The following PPHLN1 variants were observed in gnomAD, a reference collection of about 807,000 sequenced individuals.
PPHLN1 encodes periphilin 1, also known as periphilin-1.
PPHLN1 carries 29 observed loss-of-function variants against 51.3 expected under a neutral mutation model. That is an observed-to-expected ratio of 0.57 (90% CI 0.42 to 0.77). The LOEUF (loss-of-function observed/expected upper bound fraction) is 0.77. Ranked by LOEUF, PPHLN1 falls within the 30% of genes least tolerant of loss-of-function variation. The pLI is 0.00. For synonymous variants in PPHLN1, 147 were observed against 147.8 expected (o/e 0.99, Z 0.04); for missense variants, 436 against 438.4 (o/e 0.99, Z 0.05).
intron 3 of PPHLN1, among the ~76,000 whole-genome samples, chr12:42,354,897 T>C (rs7967131): frequency 0.16 from 24,743 of 152,200 alleles, 2,063 homozygotes; most frequent in Admixed American, 0.2. Context: ...TGTTGTGATA[T>C]TGATATATGT....
downstream of PPHLN1, chr12:42,447,570 C>G (rs1566066610): frequency 6.6e-6 from 1 of 152,186 alleles, no homozygotes; most frequent in Non-Finnish European, 1.5e-5. Flanking sequence ...CGGCATTGAG[C>G]CAAAATATAC....
intron 9 of PPHLN1, among the ~76,000 whole-genome samples, chr12:42,411,575 C>T (rs1324643927): frequency 6.6e-6 from 1 of 152,202 alleles, no homozygotes; most frequent in African/African-American, 2.4e-5. Context: ...GATTTTATTG[C>T]ATCCATCACC....
intron 5 of PPHLN1, among the ~76,000 whole-genome samples, chr12:42,375,822 A>T (rs112258718): frequency 0.017 from 2,626 of 152,282 alleles, 64 homozygotes; most frequent in African/African-American, 0.06. Context: ...TAGAGAAAGC[A>T]TTCTTATCTT....
chr12:42,352,757 TAGAA>T (rs1004570001), intron 3 of PPHLN1, among the ~76,000 whole-genome samples: 16 of 152,036 alleles, frequency 1.1e-4, no homozygotes, highest in Non-Finnish European at 2.4e-4. Context: ...TAACTGAGAT[TAGAA>T]AGCACTCAAA....
chr12:42,353,286 T>C (rs536233188), intron 3 of PPHLN1, among the ~76,000 whole-genome samples: 1 of 152,336 alleles, frequency 6.6e-6, no homozygotes, highest in South Asian at 2.1e-4. Context: ...CTTTTCTCTT[T>C]TTCCCCCTTT....
rs776380503 is a variant in PPHLN1 at position 42,355,171 on chromosome 12, G to A, written c.248G>A (p.Gly83Asp). Residue 83 changes from glycine (G) to aspartate (D), a missense_variant, in exon 4 of 10, where the codon GGT becomes GAT. By Grantham distance (94) the Gly-to-Asp change is moderately conservative. Coordinates refer to ENST00000358314, the MANE Select transcript of PPHLN1 (RefSeq NM_201439.2). ...SGPPHRGDES[G>D]YRWTRDDHSA... is the part of the protein sequence containing the mutation. Reference sequence around the variant, plus strand: ...TTTTTTATGTTACAGGATGAATCTGGTTATAGATGGACAAGAGACGATCAT... The same window carrying A: ...TTTTTTATGTTACAGGATGAATCTGATTATAGATGGACAAGAGACGATCAT... 13 of 1,613,586 alleles carry A rather than the reference G, an allele frequency of 8.1e-6. No homozygotes were observed. Among genetic ancestry groups the A allele is most frequent in the Admixed American group, 3.3e-5 (2 of 60,008 alleles).
rs117522401 is a variant in PPHLN1 at position 42,423,029 on chromosome 12, C to T, written c.910-18286C>T. On this transcript the variant is annotated intron_variant, in intron 9 of 9. Transcript: ENST00000358314. ...TGACTAGTTGATGTAATAATGACAGCATGGTTCTAACATTAGTATGTTCAT... is the reference window on the plus strand; with the variant it reads ...TGACTAGTTGATGTAATAATGACAGTATGGTTCTAACATTAGTATGTTCAT... Among the ~76,000 whole-genome samples, 80 of 152,270 alleles carry T rather than the reference C, an allele frequency of 5.3e-4. 1 individual carries two copies. The East Asian group carries it at 0.012, about 23-fold the overall frequency.
rs186627402 is a variant in PPHLN1 at position 42,350,391 on chromosome 12, C to A, written c.73-1494C>A. The A allele has an allele frequency of 5.1e-3, 824 of 161,988 alleles. 5 individuals carry two copies. The highest frequency in any genetic ancestry group is 0.019 in the African/African-American group (787 of 41,526). 10.0% of individuals were successfully genotyped at this position (161,988 alleles called of 1,614,324 possible). A position where few individuals can be genotyped will look rare whatever the true frequency, so the allele number is the denominator to read the frequency against. On this transcript the variant is annotated intron_variant, in intron 2 of 9. Transcript: ENST00000358314. ...TGGGCGGCCAGGCAGAGGGGCTCCT[C>A]ACATCCCAGACGATGGGCGGCCGGG...
At chr12:42,350,379 A>C (rs2073130845) in intron 2 of PPHLN1, 1 of 159,962 alleles carries the variant, frequency 6.3e-6, no homozygotes, top group Non-Finnish European at 1.3e-5. Flanking sequence ...GCGGCCAGGC[A>C]GAGGGGCTCC....
chr12:42,432,085 C>A (rs1669890), intron 9 of PPHLN1: 11 of 1,550,962 alleles, frequency 7.1e-6, no homozygotes, highest in South Asian at 1.1e-5. Flanking sequence ...CGACCTCGAC[C>A]CCCTGAAACA....
intron 9 of PPHLN1, chr12:42,400,416 C>T (rs1026075574): frequency 1.4e-5 from 2 of 142,510 alleles, no homozygotes; most frequent in East Asian, 2.1e-4. Context: ...TGCAGTGAGC[C>T]GAGATCCCGC....
rs1429808919 is a variant in PPHLN1 at position 42,384,965 on chromosome 12, C to A, written c.537C>A (p.Tyr179Ter). ...AGTCCGTGCGTCCTGGTGCCTCCTA[C>A]AAACGGCAGAATGAAGGAAATCCTG... ...HRKSVRPGAS[Y>*]KRQNEGNPER... Residue 179 changes from tyrosine to a stop codon, truncating the protein, a stop_gained, in exon 6 of 10, where the codon TAC becomes TAA. Coordinates refer to ENST00000358314, the MANE Select transcript of PPHLN1 (RefSeq NM_201439.2). LOFTEE classifies it high-confidence loss of function. 1 of 1,612,270 alleles carries A rather than the reference C, an allele frequency of 6.2e-7. No individual in the cohort carries two copies. Among genetic ancestry groups the A allele is most frequent in the East Asian group, 2.2e-5 (1 of 44,890 alleles).
chr12:42,335,964 G>C lies in PPHLN1; in HGVS notation c.62G>C (p.Ser21Thr). The C allele has an allele frequency of 6.3e-7, 1 of 1,578,576 alleles. No homozygotes were observed. The highest frequency in any genetic ancestry group is 8.6e-7 in the Non-Finnish European group (1 of 1,159,882). Residue 21 changes from serine (S) to threonine (T), a missense_variant, in exon 2 of 10, where the codon AGT becomes ACT. Physicochemically the swap from Ser to Thr is moderately conservative, Grantham distance 58. Coordinates refer to ENST00000358314, the MANE Select transcript of PPHLN1 (RefSeq NM_201439.2). ...CCGAGAGAACGAGCACCTCCTCGAAGTCATCCCAGTGTAAGTTACTCCTAC... is the reference window on the plus strand; with the variant it reads ...CCGAGAGAACGAGCACCTCCTCGAACTCATCCCAGTGTAAGTTACTCCTAC... ...RIPRERAPPR[S>T]HPSDGYNRLV...
At chr12:42,329,000 C>T (rs2069224620) in intron 1 of PPHLN1, among the ~76,000 whole-genome samples, 2 of 152,240 alleles carry the variant, frequency 1.3e-5, no homozygotes, top group Admixed American at 1.3e-4. Flanking sequence ...GGGCATGAGC[C>T]ACCGCACCCA....
intron 2 of PPHLN1, among the ~76,000 whole-genome samples, chr12:42,345,496 A>G (rs75004925): frequency 2.0e-3 from 310 of 152,054 alleles, no homozygotes; most frequent in African/African-American, 7.2e-3. Context: ...CACCATTAAT[A>G]CTAACTTTGG....
At chr12:42,377,649 A>G (rs1369927998) in intron 5 of PPHLN1, among the ~76,000 whole-genome samples, 2 of 152,132 alleles carry the variant, frequency 1.3e-5, no homozygotes, top group African/African-American at 2.4e-5. Flanking sequence ...TCCATATCCA[A>G]TAATGATTTT....
rs145080582 is a variant in PPHLN1 at position 42,376,781 on chromosome 12, A to G, written c.511+1707A>G. ...CTAACCTGGGCAACAGAACGAGACTATGTCTCTAAAAATAAATAAATAAAT... is the reference window on the plus strand; with the variant it reads ...CTAACCTGGGCAACAGAACGAGACTGTGTCTCTAAAAATAAATAAATAAAT... On this transcript the variant is annotated intron_variant, in intron 5 of 9. Coordinates refer to ENST00000358314, the MANE Select transcript of PPHLN1 (RefSeq NM_201439.2). Among the ~76,000 whole-genome samples, 11 of 152,282 alleles carry G rather than the reference A, an allele frequency of 7.2e-5. No individual in the cohort carries two copies. In the East Asian group the frequency reaches 1.2e-3, roughly 16 times the overall value.
At chr12:42,375,272 A>G (rs2076160755) in intron 5 of PPHLN1, 198 bp downstream of exon 5, 1 of 395,326 alleles carries the variant, frequency 2.5e-6, no homozygotes, top group South Asian at 4.9e-5. Flanking sequence ...TTGAAGTGGC[A>G]TTCTGCATGA....
At chr12:42,371,183 C>T (rs542100940) in intron 4 of PPHLN1, among the ~76,000 whole-genome samples, 130 of 138,780 alleles carry the variant, frequency 9.4e-4, no homozygotes, top group African/African-American at 3.2e-3. Context: ...TGCAGTGGCA[C>T]GATCATGGCT....
Sources: gnomAD v4.1 joint callset for allele counts (sites outside exome capture counted in the v4.1 genomes callset) on GRCh38, gnomAD v4.1.1 for gene constraint, MANE v1.5 for transcripts, NCBI Gene and HGNC (gene_info 2026-07-23, HGNC 2026-07-21) for gene names.